MARCHF7: variants seen among roughly 807,000 people sequenced by gnomAD.
MARCHF7 encodes the protein membrane associated ring-CH-type finger 7, also known as E3 ubiquitin-protein ligase MARCHF7.
MARCHF7 carries 20 observed loss-of-function variants against 76.5 expected under a neutral mutation model. That is an observed-to-expected ratio of 0.26 (90% confidence interval 0.18 to 0.38). MARCHF7 has a LOEUF of 0.38. Among genes scored for constraint, MARCHF7 ranks in the 10% least tolerant of loss-of-function variants. The pLI, the probability that MARCHF7 is intolerant of heterozygous loss-of-function variation, is 1.00. For missense variants in MARCHF7, 797 were observed against 812.9 expected (o/e 0.98, Z 0.24); for synonymous variants, 295 against 293.0 (o/e 1.01, Z -0.07).
At chr2:159,724,363 T>C (rs1169323640) in intron 3 of MARCHF7, among the ~76,000 whole-genome samples, 5 of 152,200 alleles carry the variant, frequency 3.3e-5, no homozygotes, top group Non-Finnish European at 5.9e-5. Flanking sequence ...TTGGTCTTTT[T>C]TCTTTGATGC....
chr2:159,756,492 G>A (rs1706311472), intron 8 of MARCHF7, among the ~76,000 whole-genome samples: 1 of 151,890 alleles, frequency 6.6e-6, no homozygotes, highest in Non-Finnish European at 1.5e-5. Context: ...TTCAAGACCA[G>A]CCTGGCCAAC....
At chr2:159,721,131 C>T (rs1334198134) in intron 3 of MARCHF7, among the ~76,000 whole-genome samples, 1 of 151,650 alleles carries the variant, frequency 6.6e-6, no homozygotes, top group Admixed American at 6.6e-5. Context: ...TTCCAAGGTG[C>T]TGGTATTACA....
rs569626147 is a variant in MARCHF7 at position 159,734,832 on chromosome 2, A to G, written c.153+5657A>G. ...AAAATAAAATGAAAAAAAAAAAAAA[A>G]AAAAGCCAGGCATGGTAGCACACAT... On this transcript the variant is annotated intron_variant, in intron 4 of 11. Coordinates refer to ENST00000409175, the MANE Select transcript of MARCHF7 (RefSeq NM_001282805.2). Among the ~76,000 whole-genome samples, 17 of 151,594 alleles carry G rather than the reference A, an allele frequency of 1.1e-4. 1 individual carries two copies. The highest frequency in any genetic ancestry group is 8.5e-4 in the Admixed American group (13 of 15,222).
intron 7 of MARCHF7, among the ~76,000 whole-genome samples, chr2:159,751,018 G>T (rs1231806850): frequency 6.6e-6 from 1 of 152,092 alleles, no homozygotes; most frequent in East Asian, 1.9e-4. Context: ...TTATTTTCCT[G>T]CTTTTAAACT....
chr2:159,715,096 G>A (rs976149509), intron 2 of MARCHF7, among the ~76,000 whole-genome samples: 3 of 152,168 alleles, frequency 2.0e-5, no homozygotes, highest in Admixed American at 6.5e-5. Flanking sequence ...AATGCACAGC[G>A]TTGCATTAGA....
intron 3 of MARCHF7, among the ~76,000 whole-genome samples, chr2:159,726,823 T>G (rs1308538656): frequency 6.6e-6 from 1 of 152,230 alleles, no homozygotes; most frequent in African/African-American, 2.4e-5. Context: ...ACCACCAATC[T>G]TCTTTCTCTA....
intron 4 of MARCHF7, 76 bp from the exon 5 acceptor site, chr2:159,742,979 GGGAATT>G: frequency 8.2e-7 from 1 of 1,212,942 alleles, no homozygotes; most frequent in Non-Finnish European, 1.2e-6. Context: ...TGATGCTTGT[GGGAATT>G]TATTAGAGGA....
At chr2:159,725,527 GTTGT>G (rs1227475790) in intron 3 of MARCHF7, among the ~76,000 whole-genome samples, 1 of 151,260 alleles carries the variant, frequency 6.6e-6, no homozygotes, top group African/African-American at 2.5e-5. Context: ...TTTTTATAGG[GTTGT>G]TTGATTTTTT....
intron 5 of MARCHF7, among the ~76,000 whole-genome samples, chr2:159,744,999 T>C (rs1300943661): frequency 1.3e-5 from 2 of 152,216 alleles, no homozygotes; most frequent in East Asian, 3.8e-4. Flanking sequence ...CAAGCAACTG[T>C]GGTAGCAGTA....
intron 10 of MARCHF7, 69 bp from the exon 11 acceptor site, chr2:159,764,557 A>T (rs757763049): frequency 1.6e-6 from 2 of 1,267,858 alleles, no homozygotes; most frequent in Non-Finnish European, 2.2e-6. Context: ...TGAATCTCCT[A>T]TACTGATTCT....
intron 7 of MARCHF7, among the ~76,000 whole-genome samples, chr2:159,750,433 G>C (rs2125622378): frequency 6.6e-6 from 1 of 152,296 alleles, no homozygotes; most frequent in East Asian, 1.9e-4. Context: ...GCTGAGGCAG[G>C]AGAATTGCTT....
chr2:159,762,915 A>C lies in MARCHF7; in HGVS notation c.1929A>C (p.Leu643=), dbSNP rs775090098. 1.9e-6 allele frequency: 3 copies of C among 1,612,892 alleles called. No homozygotes were observed. The highest frequency in any genetic ancestry group is 2.5e-6 in the Non-Finnish European group (3 of 1,179,550). The change falls in exon 10 of 12, where the codon CTA becomes CTC. Residue 643 remains leucine, a synonymous_variant. Transcript: ENST00000409175. The part of the protein sequence containing the change: ...EYEFISSGLY[L]VVLLHLCEQS... ...AGTTTATCAGCTCTGGTCTCTACCT[A>C]GTGGTGTTATTGCACTTGTGCGAAC... is the stretch of plus-strand genomic sequence containing the variant.
intron 4 of MARCHF7, among the ~76,000 whole-genome samples, chr2:159,740,857 T>C (rs1704040764): frequency 6.6e-6 from 1 of 152,170 alleles, no homozygotes; most frequent in African/African-American, 2.4e-5. Flanking sequence ...ATACATCCCC[T>C]GAATGCAGGC....
chr2:159,752,719 A>C, intron 8 of MARCHF7, 148 bp downstream of exon 8: 1 of 697,764 alleles, frequency 1.4e-6, no homozygotes, highest in Middle Eastern at 4.0e-4. Flanking sequence ...ATTAAAGAGC[A>C]TTAGTGTTTC....
intron 3 of MARCHF7, among the ~76,000 whole-genome samples, chr2:159,725,838 C>G (rs1702099996): frequency 6.6e-6 from 1 of 152,104 alleles, no homozygotes; most frequent in African/African-American, 2.4e-5. Flanking sequence ...GACTAGCAGC[C>G]TTTGTTGTAG....
chr2:159,720,924 C>G (rs1247632068), intron 3 of MARCHF7, among the ~76,000 whole-genome samples: 1 of 152,268 alleles, frequency 6.6e-6, no homozygotes, highest in African/African-American at 2.4e-5. Context: ...GTGGCATGAT[C>G]TCGGCTCTCT....
intron 3 of MARCHF7, among the ~76,000 whole-genome samples, chr2:159,718,516 C>T (rs1217117641): frequency 1.3e-5 from 2 of 151,950 alleles, no homozygotes; most frequent in African/African-American, 2.4e-5. Flanking sequence ...TAATGGGACA[C>T]AGTGATCCGT....
intron 3 of MARCHF7, among the ~76,000 whole-genome samples, chr2:159,723,938 G>A (rs1237331333): frequency 1.3e-5 from 2 of 152,042 alleles, no homozygotes; most frequent in African/African-American, 4.8e-5. Flanking sequence ...AGTCCGAATT[G>A]TTTGCTTGCC....
At chr2:159,763,383 T>A (rs578138523) in intron 10 of MARCHF7, among the ~76,000 whole-genome samples, 1 of 152,352 alleles carries the variant, frequency 6.6e-6, no homozygotes, top group Admixed American at 6.5e-5. Context: ...TCAATTTATT[T>A]GTTACTGTTC....
Sources: gnomAD v4.1 joint callset for allele counts (sites outside exome capture counted in the v4.1 genomes callset) on GRCh38, gnomAD v4.1.1 for gene constraint, MANE v1.5 for transcripts, NCBI Gene and HGNC (gene_info 2026-07-23, HGNC 2026-07-21) for gene names.